Variants in ADAMTS16 observed in about 807,000 individuals in gnomAD.
ADAMTS16 encodes ADAM metallopeptidase with thrombospondin type 1 motif 16.
Under a neutral mutation model 145.8 loss-of-function variants are expected in ADAMTS16, and 94 were observed. That is an observed-to-expected ratio of 0.64 (90% CI 0.55 to 0.77). The LOEUF (loss-of-function observed/expected upper bound fraction) is 0.77. ADAMTS16 is among the 30% of genes least tolerant of loss of function. The pLI, the probability that ADAMTS16 is intolerant of heterozygous loss-of-function variation, is 0.00. For missense variants in ADAMTS16, 1,585 were observed against 1,591.5 expected, an observed-to-expected ratio of 1.00 and a Z score of 0.07; for synonymous variants, 659 against 604.3, an observed-to-expected ratio of 1.09 and a Z score of -1.33.
intron 10 of ADAMTS16, among the ~76,000 whole-genome samples, chr5:5,217,108 C>T (rs1392836156): frequency 7.2e-5 from 11 of 151,926 alleles, no homozygotes; most frequent in Admixed American, 2.0e-4. Flanking sequence ...GGAAAGGATT[C>T]CCTATTTAAT....
intron 17 of ADAMTS16, among the ~76,000 whole-genome samples, chr5:5,250,220 C>G (rs1737579427): frequency 6.6e-6 from 1 of 152,212 alleles, no homozygotes; most frequent in Non-Finnish European, 1.5e-5. Context: ...CTGCCATCTT[C>G]TACCCAGTAT....
chr5:5,211,955 G>A (rs1736280633), intron 10 of ADAMTS16, among the ~76,000 whole-genome samples: 1 of 151,922 alleles, frequency 6.6e-6, no homozygotes, highest in African/African-American at 2.4e-5. Flanking sequence ...TCATAGCTTA[G>A]CCTATGATCT....
Position 5,232,636 on chromosome 5 carries a change from C to A in ADAMTS16, c.1850+120C>A. 3 of 1,268,816 alleles carry A rather than the reference C, an allele frequency of 2.4e-6. No homozygotes were observed. The South Asian group carries it at 4.0e-5, about 17-fold the overall frequency. 78.6% of individuals were successfully genotyped at this position (1,268,816 alleles called of 1,614,324 possible). A position where few individuals can be genotyped will look rare whatever the true frequency, so the allele number is the denominator to read the frequency against. ...TTTTTTTTTTTGAGATGGAGTCTCGCTCTGTCACCCAGGCTGGAGTGCAGT... is the reference window on the plus strand; with the variant it reads ...TTTTTTTTTTTGAGATGGAGTCTCGATCTGTCACCCAGGCTGGAGTGCAGT... On this transcript the variant is annotated intron_variant, in intron 12 of 22. Transcript: ENST00000274181.
intron 3 of ADAMTS16, among the ~76,000 whole-genome samples, chr5:5,164,387 G>T (rs1466813243): frequency 6.6e-6 from 1 of 152,222 alleles, no homozygotes; most frequent in African/African-American, 2.4e-5. Context: ...AGCGAGTTTG[G>T]CACATGACGC....
chr5:5,309,459 C>T (rs1304578856), intron 21 of ADAMTS16, among the ~76,000 whole-genome samples: 2 of 152,134 alleles, frequency 1.3e-5, no homozygotes, highest in Admixed American at 1.3e-4. Context: ...ATGCGCCTAA[C>T]CCATAGTAAG....
intron 17 of ADAMTS16, among the ~76,000 whole-genome samples, chr5:5,250,963 C>T (rs1035287377): frequency 6.6e-6 from 1 of 152,074 alleles, no homozygotes; most frequent in Non-Finnish European, 1.5e-5. Flanking sequence ...GAGGCCATAG[C>T]AGTGGTGGAC....
At chr5:5,152,833 G>T (rs1273675416) in intron 3 of ADAMTS16, among the ~76,000 whole-genome samples, 2 of 152,244 alleles carry the variant, frequency 1.3e-5, no homozygotes, top group African/African-American at 4.8e-5. Context: ...GCATGCATGT[G>T]TGTAATTTTC....
chr5:5,252,052 T>C (rs2126410719), intron 17 of ADAMTS16, among the ~76,000 whole-genome samples: 1 of 152,286 alleles, frequency 6.6e-6, no homozygotes, highest in South Asian at 2.1e-4. Flanking sequence ...GGTTTCACCG[T>C]GTTAGCCAGG....
intron 3 of ADAMTS16, among the ~76,000 whole-genome samples, chr5:5,170,437 GGC>G (rs1434592507): frequency 1.8e-4 from 28 of 152,180 alleles, no homozygotes; most frequent in Admixed American, 8.5e-4. Flanking sequence ...GGAGTGCAAT[GGC>G]GCGATCTCGG....
intron 10 of ADAMTS16, among the ~76,000 whole-genome samples, chr5:5,219,824 A>G (rs1184166996): frequency 1.3e-5 from 2 of 152,212 alleles, no homozygotes; most frequent in East Asian, 1.9e-4. Context: ...AAGGCTTTAT[A>G]CTTTAAAAAG....
chr5:5,196,010 G>T (rs1735790296), intron 8 of ADAMTS16, among the ~76,000 whole-genome samples: 1 of 152,108 alleles, frequency 6.6e-6, no homozygotes, highest in Admixed American at 6.5e-5. Context: ...GGTGGATCAT[G>T]AGGTCAGGAG....
At chr5:5,290,670 C>A (rs545994823) in intron 18 of ADAMTS16, among the ~76,000 whole-genome samples, 40 of 152,144 alleles carry the variant, frequency 2.6e-4, no homozygotes, top group Non-Finnish European at 5.9e-4. Flanking sequence ...AAAGGTGTTG[C>A]ACAAAATAGA....
rs1174981463 is a variant in ADAMTS16 at position 5,178,355 on chromosome 5, C to A, written c.502-3689C>A. On this transcript the variant is annotated intron_variant, in intron 3 of 22. Transcript: ENST00000274181. ...GTTAATAATCCACCCGCCTGACATT[C>A]CAGTGGTTACTGTGAGCTACAGGCA... is the stretch of plus-strand genomic sequence containing the variant. 2.0e-5 allele frequency among the ~76,000 whole-genome samples: 3 copies of A among 152,206 alleles called. No homozygotes were observed. In the East Asian group the frequency reaches 5.8e-4, roughly 29 times the overall value.
chr5:5,147,065 A>G (rs909583408), intron 3 of ADAMTS16, among the ~76,000 whole-genome samples: 1 of 152,218 alleles, frequency 6.6e-6, no homozygotes, highest in Non-Finnish European at 1.5e-5. Context: ...TGCAGTTTAC[A>G]GGGACGCTAG....
intron 20 of ADAMTS16, 118 bp downstream of exon 20, chr5:5,303,884 C>T: frequency 8.4e-7 from 1 of 1,193,914 alleles, no homozygotes; most frequent in Non-Finnish European, 1.2e-6. Context: ...CTCTTCTTGG[C>T]TTCCTTGCAC....
At chr5:5,227,620 A>C (rs967623726) in intron 11 of ADAMTS16, among the ~76,000 whole-genome samples, 1 of 151,870 alleles carries the variant, frequency 6.6e-6, no homozygotes, top group African/African-American at 2.4e-5. Context: ...GATTCTCAAA[A>C]TTTTTTTGTT....
chr5:5,166,120 T>C (rs571363956), intron 3 of ADAMTS16, among the ~76,000 whole-genome samples: 13 of 152,284 alleles, frequency 8.5e-5, no homozygotes, highest in African/African-American at 3.1e-4. Flanking sequence ...TTTTTTGCCA[T>C]CTTTGAAGTT....
chr5:5,311,725 GTTTT>G (rs70965937), intron 21 of ADAMTS16, among the ~76,000 whole-genome samples: 10 of 149,006 alleles, frequency 6.7e-5, no homozygotes. Context: ...TTTTGTTTTT[GTTTT>G]TTTTGGTTGT....
intron 3 of ADAMTS16, among the ~76,000 whole-genome samples, chr5:5,150,131 A>G (rs1734409636): frequency 6.6e-6 from 1 of 152,204 alleles, no homozygotes; most frequent in African/African-American, 2.4e-5. Context: ...TATTAGCTGT[A>G]CCATTTTATA....
Sources: allele counts gnomAD v4.1 joint callset (sites outside exome capture counted in the v4.1 genomes callset), GRCh38; gene constraint gnomAD v4.1.1; transcripts MANE v1.5; gene names NCBI Gene and HGNC (gene_info 2026-07-23, HGNC 2026-07-21).